The following EYS variants were observed in gnomAD, a reference collection of about 807,000 sequenced individuals.
EYS encodes the protein protein eyes shut homolog.
A neutral mutation model predicts 282.1 loss-of-function variants in EYS; 250 were observed. The observed-to-expected ratio is 0.89, with a 90% CI of 0.80 to 0.98. EYS has a LOEUF of 0.98. Ranked by LOEUF, EYS falls within the 50% of genes least tolerant of loss-of-function variation. The pLI is 0.00. For synonymous variants in EYS, 1,355 were observed against 1,282.9 expected, an observed-to-expected ratio of 1.06 and a Z score of -1.20; for missense variants, 4,016 against 3,709.0, an observed-to-expected ratio of 1.08 and a Z score of -2.15.
chr6:65,510,593 C>T (rs1766831899), intron 2 of EYS, among the ~76,000 whole-genome samples: 2 of 152,092 alleles, frequency 1.3e-5, no homozygotes, highest in African/African-American at 4.8e-5. Context: ...GGTATTTCTT[C>T]ATCTCTTCCA....
chr6:64,944,946 C>A (rs1014067975), intron 15 of EYS, among the ~76,000 whole-genome samples: 2 of 151,880 alleles, frequency 1.3e-5, no homozygotes, highest in Admixed American at 6.6e-5. Context: ...GACATAGATT[C>A]TATTGTTCAC....
At chr6:64,872,053 TACTGTCCTCTG>T (rs1766615189) in intron 19 of EYS, among the ~76,000 whole-genome samples, 1 of 152,068 alleles carries the variant, frequency 6.6e-6, no homozygotes, top group Non-Finnish European at 1.5e-5. Context: ...ATCTTGTTTC[TACTGTCCTCTG>T]AAGTTATGGT....
At chr6:65,546,578 T>TG (rs1003547509) in intron 2 of EYS, among the ~76,000 whole-genome samples, 9 of 150,752 alleles carry the variant, frequency 6.0e-5, no homozygotes, top group East Asian at 5.9e-4. Flanking sequence ...TTGATCTTTT[T>TG]TTTGTTTGTT....
chr6:64,702,471 A>T (rs910726431), intron 22 of EYS, among the ~76,000 whole-genome samples: 1 of 152,122 alleles, frequency 6.6e-6, no homozygotes, highest in African/African-American at 2.4e-5. Context: ...TATATGTTAC[A>T]TAAATTGACA....
intron 31 of EYS, among the ~76,000 whole-genome samples, chr6:64,098,952 C>A (rs112048591): frequency 0.034 from 5,208 of 152,176 alleles, 313 homozygotes; most frequent in African/African-American, 0.12. Context: ...ATTATTGTTA[C>A]ATTATTCTTT....
At chr6:64,516,308 T>C (rs562729458) in intron 26 of EYS, among the ~76,000 whole-genome samples, 3 of 150,316 alleles carry the variant, frequency 2.0e-5, no homozygotes, top group African/African-American at 7.3e-5. Flanking sequence ...GAGTGGAAGG[T>C]GGAAGGAGGG....
At chr6:65,607,844 T>C (rs539592250) in intron 2 of EYS, among the ~76,000 whole-genome samples, 39 of 152,136 alleles carry the variant, frequency 2.6e-4, no homozygotes, top group African/African-American at 7.0e-4. Context: ...ATACAATTGT[T>C]AGAAAATTAC....
At chr6:64,740,083 C>G (rs1772321051) in intron 22 of EYS, among the ~76,000 whole-genome samples, 1 of 151,976 alleles carries the variant, frequency 6.6e-6, no homozygotes. Context: ...ATAAAACTTA[C>G]TGATTTCTTT....
At chr6:65,490,568 T>C in intron 5 of EYS, 26 bp downstream of exon 5, 1 of 1,180,010 alleles carries the variant, frequency 8.5e-7, no homozygotes, top group South Asian at 1.2e-5. Flanking sequence ...CTTGTGTATA[T>C]GGTTGTATAC....
chr6:65,483,531 C>T (rs1765677177), intron 5 of EYS, among the ~76,000 whole-genome samples: 1 of 151,824 alleles, frequency 6.6e-6, no homozygotes, highest in African/African-American at 2.4e-5. Context: ...CTCATTAGAA[C>T]ATAATATTGA....
chr6:64,693,156 G>A (rs552729587), intron 22 of EYS, among the ~76,000 whole-genome samples: 2 of 151,312 alleles, frequency 1.3e-5, no homozygotes, highest in African/African-American at 4.8e-5. Flanking sequence ...AATGCAGATA[G>A]AAATTTTTAA....
intron 2 of EYS, among the ~76,000 whole-genome samples, chr6:65,609,449 C>G (rs1264454271): frequency 6.6e-6 from 1 of 152,002 alleles, no homozygotes; most frequent in African/African-American, 2.4e-5. Flanking sequence ...TAATACTTAG[C>G]TGACTCTCCT....
intron 5 of EYS, among the ~76,000 whole-genome samples, chr6:65,408,989 T>C (rs1443041938): frequency 6.6e-6 from 1 of 151,186 alleles, no homozygotes; most frequent in South Asian, 2.1e-4. Flanking sequence ...ATGTTGTTTA[T>C]AATAATTTCC....
At chr6:64,820,393 G>T (rs1421070872) in intron 21 of EYS, among the ~76,000 whole-genome samples, 2 of 151,934 alleles carry the variant, frequency 1.3e-5, no homozygotes, top group Non-Finnish European at 2.9e-5. Context: ...ACAAAACTAA[G>T]AATATGATAT....
At chr6:64,372,267 A>T (rs1415126222) in intron 29 of EYS, among the ~76,000 whole-genome samples, 1 of 150,994 alleles carries the variant, frequency 6.6e-6, no homozygotes, top group Non-Finnish European at 1.5e-5. Flanking sequence ...TGATTGGCTG[A>T]AAAGGGTCTT....
chr6:65,219,555 G>A (rs1766406839), intron 12 of EYS, among the ~76,000 whole-genome samples: 1 of 151,734 alleles, frequency 6.6e-6, no homozygotes, highest in Non-Finnish European at 1.5e-5. Context: ...TATACCATGA[G>A]ATTTACAATA....
At chr6:64,191,410 A>C (rs965444666) in intron 31 of EYS, among the ~76,000 whole-genome samples, 4 of 152,148 alleles carry the variant, frequency 2.6e-5, no homozygotes, top group East Asian at 1.9e-4. Flanking sequence ...TATACATGCG[A>C]CATGCTGGTG....
intron 30 of EYS, among the ~76,000 whole-genome samples, chr6:64,304,067 T>C (rs1769344976): frequency 6.6e-6 from 1 of 152,118 alleles, no homozygotes; most frequent in South Asian, 2.1e-4. Flanking sequence ...TACCCTCTAG[T>C]GGTGTTTACT....
At chr6:65,697,413 G>A (rs1769492262) in intron 1 of EYS, among the ~76,000 whole-genome samples, 1 of 151,980 alleles carries the variant, frequency 6.6e-6, no homozygotes, top group Non-Finnish European at 1.5e-5. Flanking sequence ...ACCATTTGAG[G>A]TTTCATCTTG....
Sources: allele counts gnomAD v4.1 joint callset (sites outside exome capture counted in the v4.1 genomes callset), GRCh38; gene constraint gnomAD v4.1.1; transcripts MANE v1.5; gene names NCBI Gene and HGNC (gene_info 2026-07-23, HGNC 2026-07-21).